SLC5A6: variants seen among roughly 807,000 people sequenced by gnomAD.
The protein encoded by SLC5A6 is sodium-dependent multivitamin transporter.
Under a neutral mutation model 67.9 loss-of-function variants are expected in SLC5A6, and 31 were observed. The observed-to-expected ratio is 0.46, with a 90% CI of 0.34 to 0.62. The LOEUF (loss-of-function observed/expected upper bound fraction) is 0.62, where lower values mean the gene tolerates loss of function less well. Ranked by LOEUF, SLC5A6 falls within the 20% of genes least tolerant of loss-of-function variation. The pLI, the probability that SLC5A6 is intolerant of heterozygous loss-of-function variation, is 0.01. For missense variants in SLC5A6, 673 were observed against 812.8 expected, an observed-to-expected ratio of 0.83 and a Z score of 2.09; for synonymous variants, 343 against 331.0, an observed-to-expected ratio of 1.04 and a Z score of -0.39.
At position 27,207,691 on chromosome 2, in the gene SLC5A6, A is replaced by G. The variant is rs1572396870; in HGVS notation, c.-41T>C. The G allele has an allele frequency of 1.9e-6, 3 of 1,580,052 alleles. No homozygotes were observed. The highest frequency in any genetic ancestry group is 2.3e-5 in the South Asian group (2 of 85,334). ...GTGATCTGCAGCCAGTTGCTGCTCC[A>G]GGGCTCTGGGGTAGGGCAGGGGCGG... On this transcript the variant is annotated 5_prime_UTR_variant, in exon 3 of 17. Transcript: ENST00000310574. This position sits in a 1 kb window ranked among gnomAD's most constrained non-coding sequence, Gnocchi z 5.5.
Position 27,204,553 on chromosome 2 carries a change from G to T in SLC5A6, c.913C>A (p.Leu305Ile). The T allele has an allele frequency of 6.2e-7, 1 of 1,614,114 alleles. No individual in the cohort carries two copies. Among genetic ancestry groups the T allele is most frequent in the Non-Finnish European group, 8.5e-7 (1 of 1,179,990 alleles). Reference protein sequence around the residue: ...YAVFPFQQVSLCVGCLIGLVM... With the variant: ...YAVFPFQQVSICVGCLIGLVM... ...AGGCCAATGAGGCAGCCCACGCAGA[G>T]GGACACCTGCTGGAAGGGGAACACT... Residue 305 changes from leucine (L) to isoleucine (I), a missense_variant, in exon 9 of 17, where the codon CTC becomes ATC. Leu to Ile is a conservative substitution (Grantham distance 5). Coordinates refer to ENST00000310574, the MANE Select transcript of SLC5A6 (RefSeq NM_021095.4).
intron 9 of SLC5A6, 118 bp from the exon 10 acceptor site, chr2:27,203,985 C>T (rs75059483): frequency 0.017 from 12,375 of 710,324 alleles, 162 homozygotes; most frequent in Non-Finnish European, 0.024. Context: ...GGGTGCATTA[C>T]AAGGGAAGCC....
Position 27,212,268 on chromosome 2 carries a change from C to T in SLC5A6, c.-456G>A, listed in dbSNP as rs775098924. 5.8e-6 allele frequency: 9 copies of T among 1,556,580 alleles called. 1 individual carries two copies. The South Asian group carries it at 1.1e-4, about 18-fold the overall frequency. On this transcript the variant is annotated 5_prime_UTR_variant, in exon 1 of 17. Transcript: ENST00000310574. ...CCAAGCAGCCCCAGGGCGACTGGACCGGGCCGCTTAGGCCACGCCCGGGGA... is the reference window on the plus strand; with the variant it reads ...CCAAGCAGCCCCAGGGCGACTGGACTGGGCCGCTTAGGCCACGCCCGGGGA...
intron 10 of SLC5A6, 69 bp from the exon 11 acceptor site, chr2:27,203,414 G>T: frequency 7.3e-7 from 1 of 1,363,522 alleles, no homozygotes; most frequent in Non-Finnish European, 1.0e-6. Flanking sequence ...CTCTATGGAG[G>T]AAATGGTGTC....
intron 2 of SLC5A6, among the ~76,000 whole-genome samples, chr2:27,210,459 C>G (rs925199321): frequency 1.4e-5 from 2 of 143,296 alleles, no homozygotes; most frequent in Non-Finnish European, 3.0e-5. Flanking sequence ...GAGACGGAGT[C>G]TCGCTCTGTC....
chr2:27,207,063 T>C lies in SLC5A6; in HGVS notation c.394-121A>G. 9.7e-7 allele frequency: 1 copy of C among 1,033,464 alleles called. No homozygotes were observed. Among genetic ancestry groups the C allele is most frequent in the Admixed American group, 1.7e-5 (1 of 57,802 alleles). 64.0% of individuals were successfully genotyped at this position (1,033,464 alleles called of 1,614,324 possible). On this transcript the variant is annotated intron_variant, in intron 3 of 16. Transcript: ENST00000310574. The surrounding 1 kb of genome is among the most constrained non-coding windows in gnomAD (Gnocchi z 5.5). ...AACCCATACCCACTCTGAGTCCTAC[T>C]CGGCATAGCACCCTCCTCTCCAATC...
intron 12 of SLC5A6, 135 bp downstream of exon 12, chr2:27,202,678 G>C: frequency 1.2e-6 from 1 of 802,400 alleles, no homozygotes; most frequent in Non-Finnish European, 2.2e-6. Context: ...TCACAGTAAA[G>C]ACGGTCCATC....
chr2:27,204,381 G>A (rs1260010319), intron 9 of SLC5A6, 80 bp downstream of exon 9: 2 of 1,475,606 alleles, frequency 1.4e-6, no homozygotes, highest in South Asian at 1.3e-5. Context: ...AGTCCTTTCT[G>A]CAGTCAGTCC....
Position 27,204,934 on chromosome 2 carries a change from G to GT in SLC5A6, c.735-4dup, listed in dbSNP as rs1558508312. The GT allele has an allele frequency of 1.2e-6, 2 of 1,612,392 alleles. No homozygotes were observed. The highest frequency in any genetic ancestry group is 1.7e-5 in the Admixed American group (1 of 60,018). On this transcript the variant is annotated splice_polypyrimidine_tract_variant and splice_region_variant and intron_variant, in intron 7 of 16. Coordinates refer to ENST00000310574, the MANE Select transcript of SLC5A6 (RefSeq NM_021095.4). ...GCACAAAGGGGTCTGGATCCAGCCTGTAACAGACACCACCCAGTCATTGTG... is the reference window on the plus strand; with the variant it reads ...GCACAAAGGGGTCTGGATCCAGCCTGTTAACAGACACCACCCAGTCATTGTG...
Position 27,210,830 on chromosome 2 carries a change from T to C in SLC5A6, c.-141+637A>G, listed in dbSNP as rs112051554. 9.7e-3 allele frequency among the ~76,000 whole-genome samples: 1,479 copies of C among 152,036 alleles called. 13 individuals carry two copies. Among genetic ancestry groups the C allele is most frequent in the Non-Finnish European group, 0.015 (1,019 of 67,960 alleles). ...CGAGGTCAGGAGATCGAGACCATCC[T>C]GGCTAACACGGTGAAACCCCGTCTC... On this transcript the variant is annotated intron_variant, in intron 2 of 16. Coordinates refer to ENST00000310574, the MANE Select transcript of SLC5A6 (RefSeq NM_021095.4).
chr2:27,207,149 C>T lies in SLC5A6; in HGVS notation c.393+109G>A. The T allele has an allele frequency of 8.2e-7, 1 of 1,214,122 alleles. No individual in the cohort carries two copies. Among genetic ancestry groups the T allele is most frequent in the Non-Finnish European group, 1.2e-6 (1 of 842,482 alleles). The allele number at this position is 1,214,122 out of a possible 1,614,324, so 75.2% of individuals were successfully genotyped here. Reference sequence around the variant, plus strand: ...TAAACACACAATGAGTTTTCTGTCCCTCTCATTAGGTGGAGGAGGTCTAGG... The same window carrying T: ...TAAACACACAATGAGTTTTCTGTCCTTCTCATTAGGTGGAGGAGGTCTAGG... On this transcript the variant is annotated intron_variant, in intron 3 of 16. Transcript: ENST00000310574. The surrounding 1 kb of genome is among the most constrained non-coding windows in gnomAD (Gnocchi z 5.5).
intron 7 of SLC5A6, 64 bp downstream of exon 7, chr2:27,205,286 G>T: frequency 6.6e-7 from 1 of 1,521,366 alleles, no homozygotes; most frequent in Non-Finnish European, 9.0e-7. Flanking sequence ...GCCAAGACCA[G>T]CCTCTAGGAT....
rs186863081 is a variant in SLC5A6 at position 27,210,809 on chromosome 2, G to A, written c.-141+658C>T. Among the ~76,000 whole-genome samples the A allele has an allele frequency of 2.1e-3, 315 of 152,100 alleles. 3 individuals are homozygous for A. Among genetic ancestry groups the A allele is most frequent in the African/African-American group, 7.0e-3 (289 of 41,488 alleles). On this transcript the variant is annotated intron_variant, in intron 2 of 16. Transcript: ENST00000310574. ...GAGGCCGAGGCGGGCAGATCACGAG[G>A]TCAGGAGATCGAGACCATCCTGGCT...
intron 9 of SLC5A6, 55 bp from the exon 10 acceptor site, chr2:27,203,922 C>T (rs1236032824): frequency 1.2e-5 from 16 of 1,358,402 alleles, no homozygotes; most frequent in South Asian, 2.4e-5. Flanking sequence ...TTCCCAGGGC[C>T]GGCTCTGCAG....
chr2:27,201,367 A>C lies in SLC5A6; in HGVS notation c.1631T>G (p.Ile544Ser), dbSNP rs564922108. 1.2e-6 allele frequency: 2 copies of C among 1,610,438 alleles called. No homozygotes were observed. The highest frequency in any genetic ancestry group is 1.7e-6 in the Non-Finnish European group (2 of 1,176,650). The change falls in exon 15 of 17, where the codon ATT becomes AGT. Residue 544 changes from isoleucine (I) to serine (S), a missense_variant. Ile to Ser is a moderately radical substitution (Grantham distance 142). Transcript: ENST00000310574. ...ACCCTTACCAGTGAGTAGACTGACA[A>C]TCAGGCCCACCACAATCACTGTGGT... ...NSTTVIVVGL[I>S]VSLLTGRMRG...
chr2:27,207,072 C>T lies in SLC5A6; in HGVS notation c.394-130G>A, dbSNP rs1674131696. 3.0e-6 allele frequency: 3 copies of T among 1,015,686 alleles called. No homozygotes were observed. The highest frequency in any genetic ancestry group is 1.6e-5 in the African/African-American group (1 of 63,232). 62.9% of individuals were successfully genotyped at this position (1,015,686 alleles called of 1,614,324 possible). On this transcript the variant is annotated intron_variant, in intron 3 of 16. Coordinates refer to ENST00000310574, the MANE Select transcript of SLC5A6 (RefSeq NM_021095.4). The surrounding 1 kb of genome is among the most constrained non-coding windows in gnomAD (Gnocchi z 5.5). ...CCACTCTGAGTCCTACTCGGCATAG[C>T]ACCCTCCTCTCCAATCCTGCCCCTA...
Position 27,204,474 on chromosome 2 carries a change from G to A in SLC5A6, c.992C>T (p.Ala331Val). 6.2e-7 allele frequency: 1 copy of A among 1,613,404 alleles called. No individual in the cohort carries two copies. The highest frequency in any genetic ancestry group is 8.5e-7 in the Non-Finnish European group (1 of 1,179,594). Reference sequence around the variant, plus strand: ...GCGCCTTCTCACCTGGTCTGGGGCTGCCTGAGCCTGCTGAATGCTCATGGG... The same window carrying A: ...GCGCCTTCTCACCTGGTCTGGGGCTACCTGAGCCTGCTGAATGCTCATGGG... ...EYPMSIQQAQ[A>V]APDQFVLYFV... is the part of the protein sequence containing the mutation. Residue 331 changes from alanine (A) to valine (V), a missense_variant, in exon 9 of 17, where the codon GCA (alanine) becomes GTA (valine). Ala to Val is a moderately conservative substitution (Grantham distance 64). Coordinates refer to ENST00000310574, the MANE Select transcript of SLC5A6 (RefSeq NM_021095.4).
intron 5 of SLC5A6, 48 bp from the exon 6 acceptor site, chr2:27,206,141 G>A (rs1331163514): frequency 1.3e-6 from 2 of 1,556,068 alleles, no homozygotes; most frequent in Non-Finnish European, 1.8e-6. Context: ...GGGTTCCCCA[G>A]GGGAGAAGCC....
upstream of SLC5A6, chr2:27,212,404 G>C: frequency 6.4e-7 from 1 of 1,551,974 alleles, no homozygotes; most frequent in Non-Finnish European, 8.7e-7. Flanking sequence ...TTACGACCCT[G>C]GTGCCCTGGG....
Sources: gnomAD v4.1 joint callset for allele counts (sites outside exome capture counted in the v4.1 genomes callset) on GRCh38, gnomAD v4.1.1 for gene constraint, Gnocchi (gnomAD v3.1) non-coding constraint, MANE v1.5 for transcripts, NCBI Gene and HGNC (gene_info 2026-07-23, HGNC 2026-07-21) for gene names.